The following FREM3 variants were observed in gnomAD, a reference collection of about 807,000 sequenced individuals.
FREM3 encodes the protein FRAS1-related extracellular matrix protein 3.
FREM3 carries 105 observed loss-of-function variants against 129.1 expected under a neutral mutation model. The ratio of observed to expected loss-of-function variants is 0.81; its 90% CI spans 0.69 to 0.96. The LOEUF (loss-of-function observed/expected upper bound fraction) is 0.96, where lower values mean the gene tolerates loss of function less well. FREM3 is among the 40% of genes least tolerant of loss of function. The pLI, the probability that FREM3 is intolerant of heterozygous loss-of-function variation, is 0.00. For missense variants in FREM3, 2,593 were observed against 2,666.3 expected (o/e 0.97, Z 0.61); for synonymous variants, 1,014 against 1,044.9 (o/e 0.97, Z 0.57).
At chr4:143,659,128 A>T (rs1175414409) in intron 2 of FREM3, among the ~76,000 whole-genome samples, 1 of 145,818 alleles carries the variant, frequency 6.9e-6, no homozygotes, top group South Asian at 2.1e-4. Context: ...TTAAGTTTTA[A>T]GGTACATGTG....
chr4:143,579,538 C>T (rs1272513126), intron 7 of FREM3, among the ~76,000 whole-genome samples: 1 of 152,174 alleles, frequency 6.6e-6, no homozygotes, highest in Non-Finnish European at 1.5e-5. Flanking sequence ...TGGACTTTGA[C>T]TCAAATCTTG....
At chr4:143,690,716 T>C (rs1231613401) in intron 2 of FREM3, among the ~76,000 whole-genome samples, 2 of 152,194 alleles carry the variant, frequency 1.3e-5, no homozygotes, top group Non-Finnish European at 2.9e-5. Context: ...AGTCAGCCAC[T>C]GTAAAGCAAT....
Position 143,627,635 on chromosome 4 carries a change from G to A in FREM3, c.5401C>T (p.Leu1801Phe), listed in dbSNP as rs1386933547. 1.2e-5 allele frequency: 19 copies of A among 1,536,012 alleles called. No individual in the cohort carries two copies. Among genetic ancestry groups the A allele is most frequent in the Non-Finnish European group, 1.7e-5 (19 of 1,146,104 alleles). The change falls in exon 3 of 8, where the codon CTT becomes TTT. Residue 1801 changes from leucine to phenylalanine, a missense_variant. By Grantham distance (22) the Leu-to-Phe change is conservative. Transcript: ENST00000329798. ...TTACTGATAAATGATGTTTCTCCAA[G>A]GTATCCTCTGCGTGTAAGGGTCACT... The part of the protein sequence containing the change: ...LEVTLTRRGY[L>F]GETSFISIGT...
In FREM3 at chr4:143,700,159, T is replaced by TA. The variant is rs1740668633; in HGVS notation, c.516dup (p.Asn173Ter). The TA allele has an allele frequency of 1.3e-6, 2 of 1,536,902 alleles. No homozygotes were observed. Among genetic ancestry groups the TA allele is most frequent in the African/African-American group, 2.7e-5 (2 of 73,056 alleles). On this transcript the variant is annotated frameshift_variant, in exon 1 of 8. Coordinates refer to ENST00000329798, the MANE Select transcript of FREM3 (RefSeq NM_001168235.2). LOFTEE classifies it high-confidence loss of function. ...AGCTTCTCCACTACCAAAGGCCTGTTACGCGTCACCAGCTCCAGCTGGGAG... is the reference window on the plus strand; with the variant it reads ...AGCTTCTCCACTACCAAAGGCCTGTTAACGCGTCACCAGCTCCAGCTGGGAG...
chr4:143,678,299 C>A (rs934427947), intron 2 of FREM3, among the ~76,000 whole-genome samples: 23 of 152,044 alleles, frequency 1.5e-4, no homozygotes, highest in African/African-American at 5.3e-4. Flanking sequence ...GACAAAAAAA[C>A]CAAACACCGC....
At position 143,699,097 on chromosome 4, in the gene FREM3, G is replaced by C; in HGVS notation, c.1579C>G (p.Gln527Glu). The change falls in exon 1 of 8, where the codon CAA (glutamine) becomes GAA (glutamate). Residue 527 changes from glutamine (Q) to glutamate (E), a missense_variant. Around this residue, in one of 2 missense-constraint regions of FREM3, gnomAD observed 2,276 missense variants for 2,267.2 expected, o/e 1.00. Coordinates refer to ENST00000329798, the MANE Select transcript of FREM3 (RefSeq NM_001168235.2). The surrounding 1 kb of genome is among the most constrained non-coding windows in gnomAD (Gnocchi z 4.2). Reference protein sequence around the residue: ...IIFRMEDGHHQVDFLFPLTIL... With the variant: ...IIFRMEDGHHEVDFLFPLTIL... The stretch of plus-strand genomic sequence containing the variant: ...GTGAGGGGAAAGAGGAAGTCCACTT[G>C]GTGGTGCCCGTCCTCCATCCGGAAG... The C allele has an allele frequency of 6.5e-7, 1 of 1,537,478 alleles. No homozygotes were observed. The highest frequency in any genetic ancestry group is 8.7e-7 in the Non-Finnish European group (1 of 1,146,978).
rs1445992653 is a variant in FREM3, at chr4:143,698,844, C to T, written c.1832G>A (p.Gly611Glu). ...TTCAGCCTGCTGCAGCAACAGGTCC[C>T]CCAGGTAGTGGCCTGAGTGGGAGGA... The part of the protein sequence containing the change: ...PGSSHSGHYL[G>E]DLLLQQAELP... Residue 611 changes from glycine to glutamate, a missense_variant, in exon 1 of 8, where the codon GGG (glycine) becomes GAG (glutamate). Around this residue, in one of 2 missense-constraint regions of FREM3, gnomAD observed 2,276 missense variants for 2,267.2 expected, o/e 1.00. Transcript: ENST00000329798. The T allele has an allele frequency of 3.9e-6, 6 of 1,537,738 alleles. No individual in the cohort carries two copies. In the East Asian group the frequency reaches 1.5e-4, roughly 38 times the overall value.
At chr4:143,638,074 AACAAT>A (rs1270986294) in intron 2 of FREM3, among the ~76,000 whole-genome samples, 3 of 152,182 alleles carry the variant, frequency 2.0e-5, no homozygotes, top group African/African-American at 7.2e-5. Context: ...TGCTATGTAT[AACAAT>A]ACAAGTTTTC....
intron 6 of FREM3, among the ~76,000 whole-genome samples, chr4:143,601,505 T>A (rs1225391092): frequency 6.6e-6 from 1 of 152,188 alleles, no homozygotes; most frequent in Non-Finnish European, 1.5e-5. Flanking sequence ...TGAAAGAAAG[T>A]CTTTACTAGT....
rs190129598 is a variant in FREM3, at chr4:143,673,034, C to T, written c.5275+20079G>A. Reference sequence around the variant, plus strand: ...GTTTTTAACTTCTTTGTGATGGGTTCGAACTTCCTCCTTTAGCTCGGAGAA... The same window carrying T: ...GTTTTTAACTTCTTTGTGATGGGTTTGAACTTCCTCCTTTAGCTCGGAGAA... On this transcript the variant is annotated intron_variant, in intron 2 of 7. Coordinates refer to ENST00000329798, the MANE Select transcript of FREM3 (RefSeq NM_001168235.2). 1.8e-3 allele frequency among the ~76,000 whole-genome samples: 281 copies of T among 152,222 alleles called. 1 individual carries two copies. Among genetic ancestry groups the T allele is most frequent in the Admixed American group, 8.4e-3 (129 of 15,292 alleles).
Position 143,699,931 on chromosome 4 carries a change from C to T in FREM3, c.745G>A (p.Gly249Arg), listed in dbSNP as rs1219993908. The T allele has an allele frequency of 1.3e-6, 2 of 1,534,318 alleles. No individual in the cohort carries two copies. The highest frequency in any genetic ancestry group is 1.2e-5 in the South Asian group (1 of 83,698). The change falls in exon 1 of 8, where the codon GGG (glycine) becomes AGG (arginine). Residue 249 changes from glycine (G) to arginine (R), a missense_variant. Physicochemically the swap from Gly to Arg is moderately radical, Grantham distance 125. Around this residue, in one of 2 missense-constraint regions of FREM3, gnomAD observed 2,276 missense variants for 2,267.2 expected, o/e 1.00. Coordinates refer to ENST00000329798, the MANE Select transcript of FREM3 (RefSeq NM_001168235.2). The surrounding 1 kb of genome is among the most constrained non-coding windows in gnomAD (Gnocchi z 4.2). ...GVDCEAFLRA[G>R]VRYQHTATSS... The stretch of plus-strand genomic sequence containing the variant: ...GTGGCTGTGTGCTGATAGCGCACCC[C>T]AGCACGGAGGAAAGCCTCACAGTCT...
In FREM3 at chr4:143,700,631, G is replaced by A. The variant is rs994328979; in HGVS notation, c.45C>T (p.Leu15=). 1.1e-4 allele frequency: 159 copies of A among 1,441,216 alleles called. No individual in the cohort carries two copies. The highest frequency in any genetic ancestry group is 1.3e-4 in the Non-Finnish European group (147 of 1,100,806). 89.3% of individuals were successfully genotyped at this position (1,441,216 alleles called of 1,614,324 possible). The change falls in exon 1 of 8, where the codon CTC becomes CTT. Residue 15 remains leucine, a synonymous_variant. Transcript: ENST00000329798. Reference sequence around the variant, plus strand: ...AGAGCAGGCAGGCGAGCGCCACAAGGAGCTGCCGGGGCGTCCCAGTCGGGT... The same window carrying A: ...AGAGCAGGCAGGCGAGCGCCACAAGAAGCTGCCGGGGCGTCCCAGTCGGGT... ...SRHPTGTPRQ[L]LVALACLLLS...
chr4:143,578,996 T>C lies in FREM3; in HGVS notation c.6179-1144A>G, dbSNP rs1738087632. Among the ~76,000 whole-genome samples, 3 of 152,002 alleles carry C rather than the reference T, an allele frequency of 2.0e-5. No homozygotes were observed. In the South Asian group the frequency reaches 6.2e-4, roughly 32 times the overall value. ...CTTGTTTTGTGGTTATACAAGAGAATGTCTTTGAAGGAATTACATTGTAAG... is the reference window on the plus strand; with the variant it reads ...CTTGTTTTGTGGTTATACAAGAGAACGTCTTTGAAGGAATTACATTGTAAG... On this transcript the variant is annotated intron_variant, in intron 7 of 7. Transcript: ENST00000329798.
chr4:143,636,013 A>G (rs1002455876), intron 2 of FREM3, among the ~76,000 whole-genome samples: 7 of 152,106 alleles, frequency 4.6e-5, no homozygotes, highest in African/African-American at 1.7e-4. Flanking sequence ...TCCCTCATCT[A>G]TAAAGTGGGG....
chr4:143,700,669 C>G lies in FREM3; in HGVS notation c.7G>C (p.Gly3Arg). The change falls in exon 1 of 8, where the codon GGG becomes CGG. Residue 3 changes from glycine to arginine, a missense_variant. Gly to Arg is a moderately radical substitution (Grantham distance 125). Coordinates refer to ENST00000329798, the MANE Select transcript of FREM3 (RefSeq NM_001168235.2). MAGASRHPTGTPR... is the reference protein window; with the variant it reads MARASRHPTGTPR... Reference sequence around the variant, plus strand: ...GTCCCAGTCGGGTGCCGAGAAGCCCCCGCCATGGCCACGGATGGCTCCTGG... The same window carrying G: ...GTCCCAGTCGGGTGCCGAGAAGCCCGCGCCATGGCCACGGATGGCTCCTGG... 5 of 1,426,462 alleles carry G rather than the reference C, an allele frequency of 3.5e-6. No homozygotes were observed. The highest frequency in any genetic ancestry group is 4.6e-6 in the Non-Finnish European group (5 of 1,095,374). 88.4% of individuals were successfully genotyped at this position (1,426,462 alleles called of 1,614,324 possible).
chr4:143,662,025 C>T (rs1215959416), intron 2 of FREM3, among the ~76,000 whole-genome samples: 1 of 151,578 alleles, frequency 6.6e-6, no homozygotes, highest in Admixed American at 6.6e-5. Flanking sequence ...TTTTGTTGAT[C>T]CTTTCAAAAA....
chr4:143,594,934 G>A (rs950868939), intron 6 of FREM3, among the ~76,000 whole-genome samples: 1 of 152,194 alleles, frequency 6.6e-6, no homozygotes, highest in Non-Finnish European at 1.5e-5. Flanking sequence ...AGAATATGAT[G>A]CTTTGGCCAC....
intron 6 of FREM3, among the ~76,000 whole-genome samples, chr4:143,589,415 G>T (rs1378218731): frequency 6.6e-6 from 1 of 152,036 alleles, no homozygotes; most frequent in Non-Finnish European, 1.5e-5. Context: ...ATTAATTTTT[G>T]TATAAGGTGT....
At chr4:143,677,403 T>G (rs1740156693) in intron 2 of FREM3, among the ~76,000 whole-genome samples, 1 of 152,146 alleles carries the variant, frequency 6.6e-6, no homozygotes, top group Non-Finnish European at 1.5e-5. Context: ...CAAGATGGAT[T>G]AAAGACTTAA....
Sources: allele counts gnomAD v4.1 joint callset (sites outside exome capture counted in the v4.1 genomes callset), GRCh38; gene constraint gnomAD v4.1.1; regional missense constraint gnomAD v4.1.1; non-coding constraint Gnocchi (gnomAD v3.1); transcripts MANE v1.5; gene names NCBI Gene and HGNC (gene_info 2026-07-23, HGNC 2026-07-21).